Variants in ETNK2 observed in about 807,000 individuals in gnomAD.
ETNK2 encodes ethanolamine kinase-like protein.
Under a neutral mutation model 46.2 loss-of-function variants are expected in ETNK2, and 33 were observed. The ratio of observed to expected loss-of-function variants is 0.71; its 90% CI spans 0.54 to 0.96. The LOEUF (loss-of-function observed/expected upper bound fraction) is 0.96. Ranked by LOEUF, ETNK2 falls within the 40% of genes least tolerant of loss-of-function variation. The probability of loss-of-function intolerance (pLI) is 0.00; values close to 1 mark genes in which losing one functional copy is unlikely to be tolerated. For missense variants in ETNK2, 445 were observed against 509.7 expected, an observed-to-expected ratio of 0.87 and a Z score of 1.22; for synonymous variants, 194 against 209.0, an observed-to-expected ratio of 0.93 and a Z score of 0.62.
Position 204,140,096 on chromosome 1 carries a change from A to G in ETNK2, c.807T>C (p.Tyr269=). ...CTTGGTAGTTGTAGCCAGCATATTC[A>G]TAGTCAATGAACCGCACGTGACCTA... is the stretch of plus-strand genomic sequence containing the variant. ...SIKGHVRFID[Y]EYAGYNYQAF... Residue 269 remains tyrosine (Y), a synonymous_variant, in exon 5 of 8, where the codon TAT becomes TAC. Coordinates refer to ENST00000367202, the MANE Select transcript of ETNK2 (RefSeq NM_018208.4). 6.2e-7 allele frequency: 1 copy of G among 1,613,956 alleles called. No individual in the cohort carries two copies. Among genetic ancestry groups the G allele is most frequent in the Non-Finnish European group, 8.5e-7 (1 of 1,179,852 alleles).
intron 3 of ETNK2, among the ~76,000 whole-genome samples, chr1:204,144,806 T>C (rs1657714497): frequency 6.6e-6 from 1 of 151,272 alleles, no homozygotes; most frequent in African/African-American, 2.4e-5. Context: ...GCTCCAGCCA[T>C]CTCCTCCAGT....
chr1:204,140,016 G>A lies in ETNK2; in HGVS notation c.868+19C>T, dbSNP rs776158112. The A allele has an allele frequency of 1.6e-5, 25 of 1,608,322 alleles. No homozygotes were observed. The Admixed American group carries it at 2.8e-4, about 18-fold the overall frequency. ...AAACACCGCTACAAAGCACATGACT[G>A]TAGAAATGCCCCTCTCACCTGCAAA... On this transcript the variant is annotated intron_variant, in intron 5 of 7. Coordinates refer to ENST00000367202, the MANE Select transcript of ETNK2 (RefSeq NM_018208.4).
intron 2 of ETNK2, chr1:204,147,101 G>A: frequency 2.3e-6 from 1 of 436,060 alleles, no homozygotes. Context: ...CCTGAGAACA[G>A]AGGGGCACCT....
intron 3 of ETNK2, chr1:204,141,688 C>G (rs1657549309): frequency 5.5e-6 from 3 of 544,748 alleles, no homozygotes; most frequent in South Asian, 4.5e-5. Flanking sequence ...ACATGGGCGT[C>G]AAAGCATGAG....
chr1:204,139,442 G>C (rs1571616638), intron 5 of ETNK2, among the ~76,000 whole-genome samples: 2 of 152,292 alleles, frequency 1.3e-5, no homozygotes, highest in East Asian at 3.9e-4. Flanking sequence ...GTGCCATATG[G>C]GCTAGGAGAG....
chr1:204,137,663 G>A (rs1657343242), intron 5 of ETNK2, among the ~76,000 whole-genome samples: 3 of 152,182 alleles, frequency 2.0e-5, no homozygotes, highest in Non-Finnish European at 4.4e-5. Flanking sequence ...TTAGCCTTAA[G>A]GGAACTCTTT....
In ETNK2 at chr1:204,151,674, G is replaced by A. The variant is rs1276470762; in HGVS notation, c.179C>T (p.Pro60Leu). 2 of 1,548,198 alleles carry A rather than the reference G, an allele frequency of 1.3e-6. No individual in the cohort carries two copies. The highest frequency in any genetic ancestry group is 1.7e-6 in the Non-Finnish European group (2 of 1,145,990). ...AVAYFGISVD[P>L]DDILPGALRL... ...CAGGGCCCCGGGAAGGATGTCGTCCGGGTCCACGGAAATGCCGAAGTACGC... is the reference window on the plus strand; with the variant it reads ...CAGGGCCCCGGGAAGGATGTCGTCCAGGTCCACGGAAATGCCGAAGTACGC... Residue 60 changes from proline (P) to leucine (L), a missense_variant, in exon 1 of 8, where the codon CCG (proline) becomes CTG (leucine). Coordinates refer to ENST00000367202, the MANE Select transcript of ETNK2 (RefSeq NM_018208.4). This position sits in a 1 kb window ranked among gnomAD's most constrained non-coding sequence, Gnocchi z 8.0.
Position 204,151,708 on chromosome 1 carries a change from C to T in ETNK2, c.145G>A (p.Ala49Thr), listed in dbSNP as rs533238188. The change falls in exon 1 of 8, where the codon GCC becomes ACC. Residue 49 changes from alanine to threonine, a missense_variant. Physicochemically the swap from Ala to Thr is moderately conservative, Grantham distance 58. Coordinates refer to ENST00000367202, the MANE Select transcript of ETNK2 (RefSeq NM_018208.4). The surrounding 1 kb of genome is among the most constrained non-coding windows in gnomAD (Gnocchi z 8.0). Reference protein sequence around the residue: ...CREPPGPPRAAAVAYFGISVD... With the variant: ...CREPPGPPRATAVAYFGISVD... Reference sequence around the variant, plus strand: ...GAAATGCCGAAGTACGCGACGGCGGCGGCCCTCGGGGGGCCCGGCGGCTCC... The same window carrying T: ...GAAATGCCGAAGTACGCGACGGCGGTGGCCCTCGGGGGGCCCGGCGGCTCC... The T allele has an allele frequency of 1.3e-6, 2 of 1,545,276 alleles. No homozygotes were observed. The highest frequency in any genetic ancestry group is 2.4e-5 in the South Asian group (2 of 83,712).
At chr1:204,144,232 G>A (rs1263222928) in intron 3 of ETNK2, among the ~76,000 whole-genome samples, 1 of 150,640 alleles carries the variant, frequency 6.6e-6, no homozygotes, top group East Asian at 1.9e-4. Flanking sequence ...AGTAATCCCA[G>A]CTACTTGGGA....
At position 204,151,253 on chromosome 1, in the gene ETNK2, T is replaced by G; in HGVS notation, c.258+342A>C. 4.7e-6 allele frequency: 2 copies of G among 427,648 alleles called. No homozygotes were observed. Among genetic ancestry groups the G allele is most frequent in the Non-Finnish European group, 8.4e-6 (2 of 239,362 alleles). The allele number at this position is 427,648 out of a possible 1,614,324, so 26.5% of individuals were successfully genotyped here. ...CTTAAAAGTTCCCGCCTCCTCAGGT[T>G]TCAGAGCTGGCTGGGTACGCGCTTC... On this transcript the variant is annotated intron_variant, in intron 1 of 7. Transcript: ENST00000367202. The surrounding 1 kb of genome is among the most constrained non-coding windows in gnomAD (Gnocchi z 8.0).
At chr1:204,147,484 A>T (rs777478819) in intron 2 of ETNK2, 4 of 533,234 alleles carry the variant, frequency 7.5e-6, no homozygotes, top group African/African-American at 5.8e-5. Flanking sequence ...GGGCCTTGAT[A>T]AAGACCCCAT....
chr1:204,131,473 C>T lies in ETNK2; in HGVS notation c.*711G>A, dbSNP rs554992422. 1 of 152,796 alleles carries T rather than the reference C, an allele frequency of 6.5e-6. No individual in the cohort carries two copies. Among genetic ancestry groups the T allele is most frequent in the South Asian group, 2.1e-4 (1 of 4,840 alleles). The allele number at this position is 152,796 out of a possible 1,614,324, so 9.5% of individuals were successfully genotyped here. A position where few individuals can be genotyped will look rare whatever the true frequency, so the allele number is the denominator to read the frequency against. ...CCTCCGGCTAAGCCACAGCACAAAGCAGAGCCAGGCTCTGGAGGCCCAGGG... is the reference window on the plus strand; with the variant it reads ...CCTCCGGCTAAGCCACAGCACAAAGTAGAGCCAGGCTCTGGAGGCCCAGGG... On this transcript the variant is annotated 3_prime_UTR_variant, in exon 8 of 8. Coordinates refer to ENST00000367202, the MANE Select transcript of ETNK2 (RefSeq NM_018208.4). This position sits in a 1 kb window ranked among gnomAD's most constrained non-coding sequence, Gnocchi z 4.3.
At position 204,141,514 on chromosome 1, in the gene ETNK2, G is replaced by T. The variant is rs527365491; in HGVS notation, c.642-57C>A. The T allele has an allele frequency of 3.9e-6, 6 of 1,533,612 alleles. No homozygotes were observed. The South Asian group carries it at 4.9e-5, about 12-fold the overall frequency. On this transcript the variant is annotated intron_variant, in intron 3 of 7. Coordinates refer to ENST00000367202, the MANE Select transcript of ETNK2 (RefSeq NM_018208.4). ...AGGAGGGCTGATAGACAGGTGCTTG[G>T]CCTCAAGAGCCCTGAATCTGAGCCT...
chr1:204,151,830 G>A lies in ETNK2; in HGVS notation c.23C>T (p.Pro8Leu), dbSNP rs1306799409. Residue 8 changes from proline (P) to leucine (L), a missense_variant, in exon 1 of 8, where the codon CCT becomes CTT. Pro to Leu is a moderately conservative substitution (Grantham distance 98, BLOSUM62 -3). Coordinates refer to ENST00000367202, the MANE Select transcript of ETNK2 (RefSeq NM_018208.4). This position sits in a 1 kb window ranked among gnomAD's most constrained non-coding sequence, Gnocchi z 8.0. MAVPPSA[P>L]QPRASFHLRR... ...CAGGTGAAAGGACGCGCGCGGCTGA[G>A]GGGCCGAAGGGGGCACAGCCATTCC... The A allele has an allele frequency of 1.4e-6, 2 of 1,467,448 alleles. No individual in the cohort carries two copies. The highest frequency in any genetic ancestry group is 1.8e-6 in the Non-Finnish European group (2 of 1,113,076). The allele number at this position is 1,467,448 out of a possible 1,614,324, so 90.9% of individuals were successfully genotyped here. A position where few individuals can be genotyped will look rare whatever the true frequency, so the allele number is the denominator to read the frequency against.
chr1:204,151,201 T>C lies in ETNK2; in HGVS notation c.258+394A>G. The C allele has an allele frequency of 3.4e-6, 1 of 291,808 alleles. No individual in the cohort carries two copies. Among genetic ancestry groups the C allele is most frequent in the South Asian group, 3.0e-5 (1 of 33,786 alleles). The allele number at this position is 291,808 out of a possible 1,614,324, so 18.1% of individuals were successfully genotyped here. A position where few individuals can be genotyped will look rare whatever the true frequency, so the allele number is the denominator to read the frequency against. ...GAAGGGGCAGCAATGTATGCATGTATGGCTGGGTCGGGGGGGCGGGGGGTC... is the reference window on the plus strand; with the variant it reads ...GAAGGGGCAGCAATGTATGCATGTACGGCTGGGTCGGGGGGGCGGGGGGTC... On this transcript the variant is annotated intron_variant, in intron 1 of 7. Transcript: ENST00000367202. This position sits in a 1 kb window ranked among gnomAD's most constrained non-coding sequence, Gnocchi z 8.0.
rs139650333 is a variant in ETNK2 at position 204,146,725 on chromosome 1, G to A, written c.558C>T (p.His186=). The change falls in exon 3 of 8, where the codon CAC becomes CAT. Residue 186 remains histidine, a synonymous_variant. Coordinates refer to ENST00000367202, the MANE Select transcript of ETNK2 (RefSeq NM_018208.4). ...TGGGCTTGGGCAGGCTGCCGTTGGC[G>A]TGGATAGTATGAATCTTTGCCATTT... The part of the protein sequence containing the change: ...ALEMAKIHTI[H]ANGSLPKPIL... 37 of 1,613,906 alleles carry A rather than the reference G, an allele frequency of 2.3e-5. No individual in the cohort carries two copies. Among genetic ancestry groups the A allele is most frequent in the East Asian group, 1.6e-4 (7 of 44,894 alleles).
chr1:204,136,089 T>C (rs1558230246), intron 6 of ETNK2, among the ~76,000 whole-genome samples: 1 of 152,118 alleles, frequency 6.6e-6, no homozygotes, highest in Non-Finnish European at 1.5e-5. Flanking sequence ...TAAAAAAATA[T>C]ATATGTATAT....
At chr1:204,132,472 C>T (rs562994399) in intron 7 of ETNK2, among the ~76,000 whole-genome samples, 11 of 152,256 alleles carry the variant, frequency 7.2e-5, no homozygotes, top group African/African-American at 2.4e-4. Context: ...CTGGATCTGT[C>T]ACCCAGGCTG....
rs961455043 is a variant in ETNK2, at chr1:204,151,901, G to T, written c.-49C>A. 1.2e-5 allele frequency: 17 copies of T among 1,402,654 alleles called. No individual in the cohort carries two copies. The South Asian group carries it at 2.0e-4, about 17-fold the overall frequency. The allele number at this position is 1,402,654 out of a possible 1,614,324, so 86.9% of individuals were successfully genotyped here. A position where few individuals can be genotyped will look rare whatever the true frequency, so the allele number is the denominator to read the frequency against. On this transcript the variant is annotated 5_prime_UTR_variant, in exon 1 of 8. Coordinates refer to ENST00000367202, the MANE Select transcript of ETNK2 (RefSeq NM_018208.4). This position sits in a 1 kb window ranked among gnomAD's most constrained non-coding sequence, Gnocchi z 8.0. Reference sequence around the variant, plus strand: ...AGCCGCGGCAGACGCTAGCCCCGGCGGGGGGGTCCGGCGAGGGAGTGGGAG... The same window carrying T: ...AGCCGCGGCAGACGCTAGCCCCGGCTGGGGGGTCCGGCGAGGGAGTGGGAG...
Sources: gnomAD v4.1 joint callset for allele counts (sites outside exome capture counted in the v4.1 genomes callset) on GRCh38, gnomAD v4.1.1 for gene constraint, Gnocchi (gnomAD v3.1) non-coding constraint, MANE v1.5 for transcripts, NCBI Gene and HGNC (gene_info 2026-07-23, HGNC 2026-07-21) for gene names.